The following ZBTB20 variants were observed in gnomAD, a reference collection of about 807,000 sequenced individuals.
ZBTB20 encodes zinc finger and BTB domain-containing protein 20.
Under a neutral mutation model 56.9 loss-of-function variants are expected in ZBTB20, and 9 were observed. The ratio of observed to expected loss-of-function variants is 0.16; its 90% CI spans 0.10 to 0.28. The LOEUF is 0.28. Among genes scored for constraint, ZBTB20 ranks in the 10% least tolerant of loss-of-function variants. The probability of loss-of-function intolerance (pLI) is 1.00; values close to 1 mark genes in which losing one functional copy is unlikely to be tolerated. For missense variants in ZBTB20, 655 were observed against 1,003.0 expected, an observed-to-expected ratio of 0.65 and a Z score of 4.69; for synonymous variants, 417 against 420.7, an observed-to-expected ratio of 0.99 and a Z score of 0.11.
intron 1 of ZBTB20, among the ~76,000 whole-genome samples, chr3:115,078,370 C>T (rs2082669309): frequency 6.6e-6 from 1 of 151,992 alleles, no homozygotes; most frequent in Admixed American, 6.6e-5. Flanking sequence ...TAAAGTGTGC[C>T]TAAAATTCTT....
intron 2 of ZBTB20, among the ~76,000 whole-genome samples, chr3:115,056,035 C>T (rs976816658): frequency 2.0e-5 from 3 of 151,762 alleles, no homozygotes; most frequent in African/African-American, 7.3e-5. Flanking sequence ...AAGTCAAATG[C>T]CAAAAGGGTG....
At chr3:114,736,561 T>G (rs2066173342) in intron 5 of ZBTB20, among the ~76,000 whole-genome samples, 1 of 152,194 alleles carries the variant, frequency 6.6e-6, no homozygotes, top group Non-Finnish European at 1.5e-5. Context: ...CTGCTTATGC[T>G]GTTTTCTTGT....
chr3:114,555,779 G>A (rs2051141439), intron 6 of ZBTB20, among the ~76,000 whole-genome samples: 2 of 152,148 alleles, frequency 1.3e-5, no homozygotes, highest in South Asian at 4.2e-4. Flanking sequence ...CATCATGAAA[G>A]ATCTGCACTT....
At chr3:115,139,572 C>A (rs979051009) in intron 1 of ZBTB20, among the ~76,000 whole-genome samples, 4 of 151,984 alleles carry the variant, frequency 2.6e-5, no homozygotes, top group African/African-American at 9.7e-5. Context: ...TTAAAAATTA[C>A]CAATTTTATA....
At chr3:114,346,818 T>C (rs2080224096) in intron 11 of ZBTB20, among the ~76,000 whole-genome samples, 1 of 151,914 alleles carries the variant, frequency 6.6e-6, no homozygotes, top group Admixed American at 6.6e-5. Flanking sequence ...CCCAAGTAGC[T>C]GGAACTATAG....
intron 2 of ZBTB20, among the ~76,000 whole-genome samples, chr3:114,985,184 C>A (rs2078485205): frequency 6.6e-6 from 1 of 152,126 alleles, no homozygotes; most frequent in African/African-American, 2.4e-5. Flanking sequence ...GTCTTATTCT[C>A]TGCCAAATCA....
chr3:114,843,843 AT>A (rs35664431), intron 4 of ZBTB20, among the ~76,000 whole-genome samples: 130,828 of 143,298 alleles, frequency 0.91, 60,268 homozygotes, highest in East Asian at 1. Flanking sequence ...CACCCGGCTA[AT>A]TTTTTTTTTT....
intron 9 of ZBTB20, 37 bp from the exon 10 acceptor site, chr3:114,380,441 T>C: frequency 6.8e-7 from 1 of 1,472,004 alleles, no homozygotes; most frequent in Non-Finnish European, 8.9e-7. Flanking sequence ...AGGAACTGAC[T>C]GCATATTTGG....
intron 6 of ZBTB20, among the ~76,000 whole-genome samples, chr3:114,682,651 C>A (rs1484740653): frequency 1.3e-5 from 2 of 152,196 alleles, no homozygotes; most frequent in African/African-American, 4.8e-5. Flanking sequence ...CAATCACTAA[C>A]ACAAAAGTCC....
intron 3 of ZBTB20, among the ~76,000 whole-genome samples, chr3:114,956,584 G>A (rs1437874571): frequency 6.6e-6 from 1 of 152,124 alleles, no homozygotes; most frequent in African/African-American, 2.4e-5. Flanking sequence ...ATGACCTGAA[G>A]AAAATTAAGG....
At chr3:114,799,706 T>C (rs972056617) in intron 5 of ZBTB20, among the ~76,000 whole-genome samples, 2 of 151,920 alleles carry the variant, frequency 1.3e-5, no homozygotes, top group Non-Finnish European at 2.9e-5. Flanking sequence ...ATGACAACAA[T>C]AACAATAACT....
chr3:114,363,013 T>C lies in ZBTB20; in HGVS notation c.200-11135A>G, dbSNP rs547793761. Among the ~76,000 whole-genome samples, 20 of 152,344 alleles carry C rather than the reference T, an allele frequency of 1.3e-4. No homozygotes were observed. In the East Asian group the frequency reaches 3.5e-3, roughly 26 times the overall value. Reference sequence around the variant, plus strand: ...GGTGTCCTCATTTACAAAGTAAATATGCAATATTTAGTGAAGGTCACTGGA... The same window carrying C: ...GGTGTCCTCATTTACAAAGTAAATACGCAATATTTAGTGAAGGTCACTGGA... On this transcript the variant is annotated intron_variant, in intron 10 of 11. Transcript: ENST00000675478.
In ZBTB20 at chr3:114,319,950, G is replaced by T. The variant is rs2078834518; in HGVS notation, c.*19055C>A. On this transcript the variant is annotated 3_prime_UTR_variant, in exon 12 of 12. Coordinates refer to ENST00000675478, the MANE Select transcript of ZBTB20 (RefSeq NM_001348800.3). ...TTAAAAGGTGATGTGGAAATCCAGT[G>T]GTATGAGGAAGGCTGGGGTTATTTC... 6.6e-6 allele frequency: 1 copy of T among 152,004 alleles called. No individual in the cohort carries two copies. The highest frequency in any genetic ancestry group is 1.5e-5 in the Non-Finnish European group (1 of 67,998). The allele number at this position is 152,004 out of a possible 1,614,324, so 9.4% of individuals were successfully genotyped here.
chr3:115,063,562 T>C (rs1214590970), intron 2 of ZBTB20, among the ~76,000 whole-genome samples: 1 of 152,146 alleles, frequency 6.6e-6, no homozygotes, highest in East Asian at 1.9e-4. Flanking sequence ...GTTTTCAATA[T>C]ATGAATTTTG....
rs940742571 is a variant in ZBTB20 at position 114,323,639 on chromosome 3, T to C, written c.*15366A>G. 11 of 152,208 alleles carry C rather than the reference T, an allele frequency of 7.2e-5. No homozygotes were observed. The highest frequency in any genetic ancestry group is 1.0e-4 in the Non-Finnish European group (7 of 68,032). The allele number at this position is 152,208 out of a possible 1,614,324, so 9.4% of individuals were successfully genotyped here. A position where few individuals can be genotyped will look rare whatever the true frequency, so the allele number is the denominator to read the frequency against. On this transcript the variant is annotated 3_prime_UTR_variant, in exon 12 of 12. Transcript: ENST00000675478. ...ATTGGCTTCTTCACTGTTAAAACTCTTACTGAGAGCTCAGTCAGAAACAAG... is the reference window on the plus strand; with the variant it reads ...ATTGGCTTCTTCACTGTTAAAACTCCTACTGAGAGCTCAGTCAGAAACAAG...
intron 6 of ZBTB20, among the ~76,000 whole-genome samples, chr3:114,568,598 T>C (rs539682535): frequency 6.6e-6 from 1 of 152,290 alleles, no homozygotes; most frequent in African/African-American, 2.4e-5. Flanking sequence ...CAACAGCCTA[T>C]CAACACTTCA....
At chr3:114,596,418 T>G (rs1330222730) in intron 6 of ZBTB20, among the ~76,000 whole-genome samples, 1 of 152,138 alleles carries the variant, frequency 6.6e-6, no homozygotes, top group Admixed American at 6.6e-5. Flanking sequence ...AAACATGACA[T>G]CATATAAATG....
At chr3:114,587,831 C>A (rs1409133429) in intron 6 of ZBTB20, among the ~76,000 whole-genome samples, 1 of 152,152 alleles carries the variant, frequency 6.6e-6, no homozygotes, top group Non-Finnish European at 1.5e-5. Context: ...TACAAAAGGG[C>A]CAGTGAGAAG....
chr3:115,126,153 T>C (rs1457801629), intron 1 of ZBTB20, among the ~76,000 whole-genome samples: 1 of 152,202 alleles, frequency 6.6e-6, no homozygotes, highest in Non-Finnish European at 1.5e-5. Flanking sequence ...AAGACTACTG[T>C]AAGGTATTTT....
Sources: allele counts gnomAD v4.1 joint callset (sites outside exome capture counted in the v4.1 genomes callset), GRCh38; gene constraint gnomAD v4.1.1; transcripts MANE v1.5; gene names NCBI Gene and HGNC (gene_info 2026-07-23, HGNC 2026-07-21).